Variants in VAV3 observed in about 807,000 individuals in gnomAD.
The protein encoded by VAV3 is vav guanine nucleotide exchange factor 3.
VAV3 carries 94 observed loss-of-function variants against 131.2 expected under a neutral mutation model. That is an observed-to-expected ratio of 0.72 (90% CI 0.61 to 0.85). The LOEUF (loss-of-function observed/expected upper bound fraction) is 0.85. Among genes scored for constraint, VAV3 ranks in the 40% least tolerant of loss-of-function variants. VAV3 has a pLI of 0.00. For synonymous variants in VAV3, 349 were observed against 342.0 expected (o/e 1.02, Z -0.22); for missense variants, 939 against 1,002.7 (o/e 0.94, Z 0.86).
At chr1:107,644,254 C>A (rs1655564325) in intron 19 of VAV3, among the ~76,000 whole-genome samples, 1 of 152,052 alleles carries the variant, frequency 6.6e-6, no homozygotes, top group Admixed American at 6.6e-5. Flanking sequence ...CTAAATATCC[C>A]ATACACAAGT....
intron 15 of VAV3, among the ~76,000 whole-genome samples, chr1:107,709,772 C>A (rs1158502848): frequency 1.3e-5 from 2 of 152,184 alleles, no homozygotes; most frequent in African/African-American, 4.8e-5. Flanking sequence ...CTCCTTCCTG[C>A]TGCCATGTGA....
chr1:107,934,533 A>G (rs1300705361), intron 1 of VAV3, among the ~76,000 whole-genome samples: 1 of 152,216 alleles, frequency 6.6e-6, no homozygotes, highest in East Asian at 1.9e-4. Context: ...AAGAATTCCT[A>G]AATATTTCAG....
At chr1:107,791,401 T>C (rs1299658855) in intron 2 of VAV3, among the ~76,000 whole-genome samples, 1 of 148,172 alleles carries the variant, frequency 6.7e-6, no homozygotes, top group Non-Finnish European at 1.5e-5. Flanking sequence ...AAAAAAAGAC[T>C]GCTGCAATAG....
At chr1:107,770,518 T>C (rs939880051) in intron 6 of VAV3, 118 bp downstream of exon 6, 3 of 715,020 alleles carry the variant, frequency 4.2e-6, no homozygotes, top group Admixed American at 2.8e-5. Context: ...GATCTTTAAG[T>C]ACAAAGTTCT....
intron 19 of VAV3, among the ~76,000 whole-genome samples, chr1:107,649,593 A>G (rs1656006959): frequency 6.6e-6 from 1 of 151,928 alleles, no homozygotes; most frequent in Non-Finnish European, 1.5e-5. Context: ...CTCCTACCAT[A>G]AACACCCAGC....
intron 20 of VAV3, among the ~76,000 whole-genome samples, chr1:107,626,043 T>A (rs1176585310): frequency 6.6e-6 from 1 of 152,224 alleles, no homozygotes; most frequent in African/African-American, 2.4e-5. Context: ...TAATACTTCA[T>A]TGTCTGAACT....
intron 1 of VAV3, among the ~76,000 whole-genome samples, chr1:107,890,415 G>C (rs1016170726): frequency 9.9e-5 from 15 of 152,034 alleles, no homozygotes; most frequent in African/African-American, 3.6e-4. Context: ...TTCCCACCTT[G>C]TCTTAGCCTT....
At chr1:107,581,478 G>C (rs959533317) in intron 25 of VAV3, among the ~76,000 whole-genome samples, 17 of 152,142 alleles carry the variant, frequency 1.1e-4, no homozygotes, top group African/African-American at 3.9e-4. Context: ...AGCAAAACCT[G>C]AAGTACTAAC....
intron 1 of VAV3, among the ~76,000 whole-genome samples, chr1:107,938,183 G>C (rs1306044726): frequency 6.6e-6 from 1 of 152,054 alleles, no homozygotes; most frequent in Admixed American, 6.6e-5. Flanking sequence ...ATGAAAATGG[G>C]AAACAATTAC....
intron 19 of VAV3, among the ~76,000 whole-genome samples, chr1:107,681,241 A>AT (rs1658582419): frequency 6.6e-6 from 1 of 152,064 alleles, no homozygotes; most frequent in Non-Finnish European, 1.5e-5. Flanking sequence ...TAACTGTAGG[A>AT]TAAAAAAAAA....
Position 107,688,647 on chromosome 1 carries a change from C to T in VAV3, c.1706-241G>A, listed in dbSNP as rs1659202296. On this transcript the variant is annotated intron_variant, in intron 17 of 26. Coordinates refer to ENST00000370056, the MANE Select transcript of VAV3 (RefSeq NM_006113.5). ...TAAATGACTTCTAGGTTATGCTTAACTTTTTCCATTGTTTATTAAGCAATG... is the reference window on the plus strand; with the variant it reads ...TAAATGACTTCTAGGTTATGCTTAATTTTTTCCATTGTTTATTAAGCAATG... 2.9e-6 allele frequency: 3 copies of T among 1,031,408 alleles called. No homozygotes were observed. The African/African-American group carries it at 5.0e-5, about 17-fold the overall frequency. 63.9% of individuals were successfully genotyped at this position (1,031,408 alleles called of 1,614,324 possible).
chr1:107,590,077 C>T (rs561938802), intron 25 of VAV3, among the ~76,000 whole-genome samples: 2 of 152,128 alleles, frequency 1.3e-5, no homozygotes, highest in Non-Finnish European at 2.9e-5. Flanking sequence ...AGAGACCACA[C>T]CCAGGGAGAG....
chr1:107,777,603 C>T, intron 3 of VAV3: 1 of 368,706 alleles, frequency 2.7e-6, no homozygotes, highest in East Asian at 5.6e-5. Flanking sequence ...CCACCTGCCA[C>T]ATACCTGCAG....
At chr1:107,773,256 C>G (rs993118482) in intron 4 of VAV3, among the ~76,000 whole-genome samples, 1 of 152,212 alleles carries the variant, frequency 6.6e-6, no homozygotes, top group African/African-American at 2.4e-5. Context: ...AAAACCAAGT[C>G]TGTCTTAACG....
intron 19 of VAV3, chr1:107,668,618 A>G: frequency 1.0e-6 from 1 of 984,780 alleles, no homozygotes; most frequent in Non-Finnish European, 1.2e-6. Context: ...GTAGAATAAG[A>G]GATTAGCAAA....
rs764774718 is a variant in VAV3 at position 107,779,456 on chromosome 1, T to C, written c.358A>G (p.Ile120Val). The C allele has an allele frequency of 1.3e-5, 21 of 1,592,316 alleles. No individual in the cohort carries two copies. The highest frequency in any genetic ancestry group is 1.6e-5 in the Non-Finnish European group (19 of 1,169,032). Reference protein sequence around the residue: ...ETLSRLSRTPIALATGIRPFP... With the variant: ...ETLSRLSRTPVALATGIRPFP... ...TACCTGATTCCTGTGGCCAATGCTA[T>C]AGGTGTTCGAGAAAGTCGTGATAAT... The change falls in exon 3 of 27, where the codon ATA (isoleucine) becomes GTA (valine). Residue 120 changes from isoleucine (I) to valine (V), a missense_variant. Ile to Val is a conservative substitution (Grantham distance 29). Transcript: ENST00000370056.
At chr1:107,760,727 T>C in intron 10 of VAV3, 57 bp downstream of exon 10, 1 of 1,367,696 alleles carries the variant, frequency 7.3e-7, no homozygotes. Context: ...TGATGCTTCA[T>C]TAATATTTTG....
At chr1:107,898,101 A>AT (rs1571111311) in intron 1 of VAV3, among the ~76,000 whole-genome samples, 1 of 142,300 alleles carries the variant, frequency 7.0e-6, no homozygotes, top group Admixed American at 6.8e-5. Flanking sequence ...TCATTATTAA[A>AT]TTAAAAAAAA....
At chr1:107,638,903 C>T (rs1655128814) in intron 20 of VAV3, among the ~76,000 whole-genome samples, 1 of 151,896 alleles carries the variant, frequency 6.6e-6, no homozygotes. Context: ...TATATATACA[C>T]ACACATATAG....
Sources: gnomAD v4.1 joint callset for allele counts (sites outside exome capture counted in the v4.1 genomes callset) on GRCh38, gnomAD v4.1.1 for gene constraint, MANE v1.5 for transcripts, NCBI Gene and HGNC (gene_info 2026-07-23, HGNC 2026-07-21) for gene names.